The following RANBP2 variants were observed in gnomAD, a reference collection of about 807,000 sequenced individuals.
The protein encoded by RANBP2 is RAN binding protein 2.
A neutral mutation model predicts 303.6 loss-of-function variants in RANBP2; 57 were observed. The observed-to-expected ratio is 0.19, with a 90% CI of 0.15 to 0.23. The LOEUF (loss-of-function observed/expected upper bound fraction) is 0.23, where lower values mean the gene tolerates loss of function less well. Among genes scored for constraint, RANBP2 ranks in the 10% least tolerant of loss-of-function variants. The pLI, the probability that RANBP2 is intolerant of heterozygous loss-of-function variation, is 1.00. For missense variants in RANBP2, 3,138 were observed against 3,780.8 expected, an observed-to-expected ratio of 0.83 and a Z score of 4.46; for synonymous variants, 1,167 against 1,301.5, an observed-to-expected ratio of 0.90 and a Z score of 2.23.
chr2:109,169,161 A>G, the RANBP2 span, among the ~76,000 whole-genome samples: 3 of 152,204 alleles, frequency 2.0e-5, no homozygotes, highest in Non-Finnish European at 2.9e-5. Flanking sequence ...CATATGTACT[A>G]TTTAATAATA....
chr2:109,054,100 G>A, the RANBP2 span, among the ~76,000 whole-genome samples: 2 of 152,186 alleles, frequency 1.3e-5, no homozygotes, highest in African/African-American at 4.8e-5. Flanking sequence ...TGCCCAGCCT[G>A]GCACATCCAT....
the RANBP2 span, among the ~76,000 whole-genome samples, chr2:109,070,663 T>C: frequency 3.9e-5 from 6 of 152,082 alleles, no homozygotes; most frequent in African/African-American, 1.4e-4. Flanking sequence ...AGTTCGACAC[T>C]AGCCTGGGAA....
At chr2:109,276,648 A>T in the RANBP2 span, among the ~76,000 whole-genome samples, 1 of 152,216 alleles carries the variant, frequency 6.6e-6, no homozygotes, top group Non-Finnish European at 1.5e-5. Context: ...GCGCTGGACA[A>T]ATCTGAACTG....
At chr2:109,508,260 CAG>C in the RANBP2 span, among the ~76,000 whole-genome samples, 1 of 152,164 alleles carries the variant, frequency 6.6e-6, no homozygotes, top group Non-Finnish European at 1.5e-5. Context: ...CCATTTTGGA[CAG>C]GGGACATGTA....
the RANBP2 span, among the ~76,000 whole-genome samples, chr2:108,928,532 CTT>C: frequency 6.6e-6 from 1 of 152,172 alleles, no homozygotes; most frequent in Non-Finnish European, 1.5e-5. Flanking sequence ...ACCACCACTG[CTT>C]TTATCTTTAG....
the RANBP2 span, among the ~76,000 whole-genome samples, chr2:109,222,681 C>T: frequency 6.6e-6 from 1 of 152,226 alleles, no homozygotes. Flanking sequence ...CAGGCCTTCC[C>T]TGTACCTCCT....
the RANBP2 span, among the ~76,000 whole-genome samples, chr2:109,596,156 G>A: frequency 3.3e-5 from 5 of 152,032 alleles, no homozygotes; most frequent in Non-Finnish European, 4.4e-5. Flanking sequence ...CTCAGTTTCC[G>A]AAACAGCTGG....
the RANBP2 span, chr2:108,906,242 T>G: frequency 3.2e-6 from 5 of 1,572,838 alleles, no homozygotes; most frequent in African/African-American, 5.4e-5. Flanking sequence ...GCCTCAGGGC[T>G]CCGGGCCCAG....
chr2:108,853,931 A>G, the RANBP2 span, among the ~76,000 whole-genome samples: 2 of 123,956 alleles, frequency 1.6e-5, no homozygotes. Context: ...TATTATATAT[A>G]ATTTATATAT....
the RANBP2 span, among the ~76,000 whole-genome samples, chr2:109,299,611 T>C: frequency 2.0e-5 from 3 of 152,180 alleles, no homozygotes; most frequent in Non-Finnish European, 4.4e-5. Flanking sequence ...TTTCCTTGCA[T>C]GAGCTCACAG....
chr2:109,205,170 G>A, the RANBP2 span, among the ~76,000 whole-genome samples: 8 of 151,984 alleles, frequency 5.3e-5, no homozygotes, highest in Non-Finnish European at 1.5e-5. Context: ...TTATGCCGCT[G>A]CACTCCAGCC....
At chr2:109,522,689 C>T in the RANBP2 span, among the ~76,000 whole-genome samples, 15 of 152,014 alleles carry the variant, frequency 9.9e-5, no homozygotes, top group African/African-American at 2.7e-4. Flanking sequence ...CCACCCCAAA[C>T]GTTCAGTGCA....
chr2:109,085,538 C>A, the RANBP2 span, among the ~76,000 whole-genome samples: 1 of 151,070 alleles, frequency 6.6e-6, no homozygotes, highest in African/African-American at 2.4e-5. Context: ...CTCCTGACCT[C>A]GTGATCCGCC....
the RANBP2 span, among the ~76,000 whole-genome samples, chr2:108,917,004 G>A: frequency 6.6e-6 from 1 of 152,190 alleles, no homozygotes; most frequent in Non-Finnish European, 1.5e-5. Flanking sequence ...CTGACAATGG[G>A]CCTCTTCCCT....
the RANBP2 span, among the ~76,000 whole-genome samples, chr2:109,676,280 A>G: frequency 6.6e-6 from 1 of 152,208 alleles, no homozygotes; most frequent in Admixed American, 6.5e-5. Flanking sequence ...TAGCACCTCC[A>G]TCACCCTTTA....
the RANBP2 span, among the ~76,000 whole-genome samples, chr2:109,136,642 AG>A: frequency 6.6e-6 from 1 of 152,218 alleles, no homozygotes; most frequent in Non-Finnish European, 1.5e-5. Flanking sequence ...AGGAGGCCCA[AG>A]AAGAGTCACT....
At chr2:109,623,506 C>CT in the RANBP2 span, among the ~76,000 whole-genome samples, 1 of 152,214 alleles carries the variant, frequency 6.6e-6, no homozygotes, top group Non-Finnish European at 1.5e-5. Flanking sequence ...TCTTGGATCT[C>CT]TAAGAGGGTG....
chr2:108,929,240 C>T, the RANBP2 span: 1 of 1,614,170 alleles, frequency 6.2e-7, no homozygotes, highest in Non-Finnish European at 8.5e-7. Context: ...CTCCATGTCC[C>T]CTGGTGTCAG....
At chr2:109,604,389 A>AGGGGAGGGG in the RANBP2 span, among the ~76,000 whole-genome samples, 1 of 26,704 alleles carries the variant, frequency 3.7e-5, no homozygotes, top group Non-Finnish European at 7.2e-5. Flanking sequence ...AGGGAAGGGG[A>AGGGGAGGGG]GGGGCGGGGC....
Sources: allele counts gnomAD v4.1 joint callset (sites outside exome capture counted in the v4.1 genomes callset), GRCh38; gene constraint gnomAD v4.1.1; transcripts MANE v1.5; gene names NCBI Gene and HGNC (gene_info 2026-07-23, HGNC 2026-07-21).